The following KIDINS220 variants were observed in gnomAD, a reference collection of about 807,000 sequenced individuals.
The protein encoded by KIDINS220 is kinase D-interacting substrate of 220 kDa.
In KIDINS220, 63 loss-of-function variants were observed where a neutral mutation model predicts 157.6. That is an observed-to-expected ratio of 0.40 (90% CI 0.33 to 0.49). KIDINS220 has a LOEUF of 0.49. Among genes scored for constraint, KIDINS220 ranks in the 20% least tolerant of loss-of-function variants. The pLI, the probability that KIDINS220 is intolerant of heterozygous loss-of-function variation, is 0.66. For missense variants in KIDINS220, 1,772 were observed against 2,171.2 expected (o/e 0.82, Z 3.65); for synonymous variants, 732 against 783.6 (o/e 0.93, Z 1.10).
intron 1 of KIDINS220, among the ~76,000 whole-genome samples, chr2:8,832,767 C>A (rs1436833599): frequency 6.6e-6 from 1 of 152,166 alleles, no homozygotes; most frequent in African/African-American, 2.4e-5. Context: ...CTTCCAAAAG[C>A]CCTTTCGGCT....
chr2:8,733,123 A>G (rs1429886372), intron 29 of KIDINS220, among the ~76,000 whole-genome samples: 1 of 152,226 alleles, frequency 6.6e-6, no homozygotes, highest in Non-Finnish European at 1.5e-5. Context: ...TGCAACAGGA[A>G]GATCGCCTGA....
intron 27 of KIDINS220, 91 bp downstream of exon 27, chr2:8,736,776 TG>T: frequency 1.5e-6 from 2 of 1,334,584 alleles, no homozygotes; most frequent in South Asian, 3.3e-5. Context: ...AATGCATGTT[TG>T]GGAAGCTATA....
Position 8,730,875 on chromosome 2 carries a change from G to A in KIDINS220, c.5161C>T (p.Pro1721Ser). The A allele has an allele frequency of 6.2e-7, 1 of 1,614,154 alleles. No individual in the cohort carries two copies. Among genetic ancestry groups the A allele is most frequent in the Non-Finnish European group, 8.5e-7 (1 of 1,180,034 alleles). Residue 1721 changes from proline to serine, a missense_variant, in exon 30 of 30, where the codon CCA becomes TCA. Around this residue, in one of 3 missense-constraint regions of KIDINS220, gnomAD observed 793 missense variants for 885.5 expected, o/e 0.90. Transcript: ENST00000256707. Reference sequence around the variant, plus strand: ...AGATTCTCATTCTGAATAGTGGTTGGGTTGGGACTGGAACTAGGCCTCAAA... The same window carrying A: ...AGATTCTCATTCTGAATAGTGGTTGAGTTGGGACTGGAACTAGGCCTCAAA... ...VILRPSSSPN[P>S]TTIQNENLKS... is the part of the protein sequence containing the mutation.
At chr2:8,750,574 A>G (rs1667209466) in intron 23 of KIDINS220, among the ~76,000 whole-genome samples, 1 of 152,210 alleles carries the variant, frequency 6.6e-6, no homozygotes, top group South Asian at 2.1e-4. Context: ...CAATATCTGG[A>G]TTCTTCTCTT....
intron 11 of KIDINS220, among the ~76,000 whole-genome samples, chr2:8,796,388 T>C (rs189660308): frequency 2.0e-5 from 3 of 152,312 alleles, no homozygotes; most frequent in Admixed American, 6.5e-5. Flanking sequence ...AACAAACACA[T>C]TGACTCCTGT....
intron 26 of KIDINS220, among the ~76,000 whole-genome samples, chr2:8,743,551 T>C (rs894221224): frequency 6.6e-6 from 1 of 152,178 alleles, no homozygotes; most frequent in African/African-American, 2.4e-5. Context: ...AAAGAGCTCA[T>C]CACCAGGGTC....
At chr2:8,732,874 G>A (rs1049295344) in intron 29 of KIDINS220, among the ~76,000 whole-genome samples, 10 of 152,014 alleles carry the variant, frequency 6.6e-5, no homozygotes, top group East Asian at 3.9e-4. Context: ...CCTCACTCCC[G>A]CTACTCCTCC....
rs1192653148 is a variant in KIDINS220 at position 8,744,388 on chromosome 2, AATATATATATATAATATATATATAT to A, written c.3585+2732_3585+2756del. 3.4e-4 allele frequency among the ~76,000 whole-genome samples: 9 copies of A among 26,158 alleles called. 1 individual carries two copies. The highest frequency in any genetic ancestry group is 9.3e-4 in the African/African-American group (5 of 5,352). 17.2% of individuals were successfully genotyped at this position (26,158 alleles called of 152,430 possible). A position where few individuals can be genotyped will look rare whatever the true frequency, so the allele number is the denominator to read the frequency against. ...CAAAAAAAAAAAAAAAAAAAAAAAA[AATATATATATATAATATATATATAT>A]ATATATATATATATATATATATATA... On this transcript the variant is annotated intron_variant, in intron 26 of 29. Transcript: ENST00000256707.
chr2:8,797,882 G>A (rs376178694), intron 10 of KIDINS220, among the ~76,000 whole-genome samples: 8 of 152,148 alleles, frequency 5.3e-5, no homozygotes, highest in African/African-American at 1.9e-4. Context: ...CTGAGCACAC[G>A]CCATCTCCCC....
intron 22 of KIDINS220, among the ~76,000 whole-genome samples, chr2:8,751,946 C>CAGT (rs1409869463): frequency 6.6e-6 from 1 of 152,110 alleles, no homozygotes; most frequent in Non-Finnish European, 1.5e-5. Context: ...CTAAGTTGAT[C>CAGT]CACCCACCTC....
intron 6 of KIDINS220, among the ~76,000 whole-genome samples, chr2:8,809,782 A>G (rs111844159): frequency 6.6e-6 from 1 of 152,166 alleles, no homozygotes; most frequent in Non-Finnish European, 1.5e-5. Context: ...TGTCAGAAAT[A>G]AAAATACTCT....
chr2:8,832,974 T>C (rs1158665556), intron 1 of KIDINS220, among the ~76,000 whole-genome samples: 2 of 152,216 alleles, frequency 1.3e-5, no homozygotes, highest in African/African-American at 4.8e-5. Flanking sequence ...GCATAGGATG[T>C]GTGATGATCA....
chr2:8,762,820 T>C (rs989460695), intron 22 of KIDINS220, among the ~76,000 whole-genome samples: 11 of 152,204 alleles, frequency 7.2e-5, no homozygotes, highest in African/African-American at 1.4e-4. Context: ...ATAGTAGACA[T>C]AGAAATGGTA....
intron 8 of KIDINS220, among the ~76,000 whole-genome samples, chr2:8,802,475 G>T (rs1034373680): frequency 6.6e-6 from 1 of 152,200 alleles, no homozygotes; most frequent in East Asian, 1.9e-4. Context: ...CACAGGATTT[G>T]GGGCTTCAAC....
At chr2:8,796,937 C>A in intron 10 of KIDINS220, 68 bp from the exon 11 acceptor site, 1 of 1,118,290 alleles carries the variant, frequency 8.9e-7, no homozygotes, top group Non-Finnish European at 1.4e-6. Flanking sequence ...CATACAAATG[C>A]ACATGTCAAG....
Position 8,730,283 on chromosome 2 carries a change from C to T in KIDINS220, c.*437G>A. The T allele has an allele frequency of 2.0e-6, 2 of 999,962 alleles. No homozygotes were observed. The highest frequency in any genetic ancestry group is 2.4e-6 in the Non-Finnish European group (2 of 839,514). 61.9% of individuals were successfully genotyped at this position (999,962 alleles called of 1,614,324 possible). A position where few individuals can be genotyped will look rare whatever the true frequency, so the allele number is the denominator to read the frequency against. On this transcript the variant is annotated 3_prime_UTR_variant, in exon 30 of 30. Transcript: ENST00000256707. The stretch of plus-strand genomic sequence containing the variant: ...GCTGTGCACTCACCTAGGTGAGCCC[C>T]TAAGAGCAGGGTTTGCTTCTGCTTC...
intron 22 of KIDINS220, among the ~76,000 whole-genome samples, chr2:8,768,913 T>A (rs1293732556): frequency 6.6e-6 from 1 of 152,202 alleles, no homozygotes; most frequent in Non-Finnish European, 1.5e-5. Flanking sequence ...AATGATTGCT[T>A]ACTATATTTT....
chr2:8,745,937 A>G (rs1234645339), intron 26 of KIDINS220, among the ~76,000 whole-genome samples: 2 of 152,120 alleles, frequency 1.3e-5, no homozygotes, highest in Non-Finnish European at 2.9e-5. Context: ...ACCATATTAC[A>G]TGGGTGTAAC....
Position 8,806,438 on chromosome 2 carries a change from G to T in KIDINS220, c.505-69C>A, listed in dbSNP as rs56241236. The T allele has an allele frequency of 0.087, 78,840 of 904,620 alleles. 4,308 individuals are homozygous for T. The highest frequency in any genetic ancestry group is 0.11 in the Non-Finnish European group (65,455 of 597,970). The allele number at this position is 904,620 out of a possible 1,614,324, so 56.0% of individuals were successfully genotyped here. A position where few individuals can be genotyped will look rare whatever the true frequency, so the allele number is the denominator to read the frequency against. The stretch of plus-strand genomic sequence containing the variant: ...ACTCAAAGAAACTAGCTCTTAACAT[G>T]AATTTTAATAAAAATCTTACTTTTT... On this transcript the variant is annotated intron_variant, in intron 6 of 29. Transcript: ENST00000256707.
Sources: gnomAD v4.1 joint callset for allele counts (sites outside exome capture counted in the v4.1 genomes callset) on GRCh38, gnomAD v4.1.1 for gene constraint, gnomAD v4.1.1 regional missense constraint, MANE v1.5 for transcripts, NCBI Gene and HGNC (gene_info 2026-07-23, HGNC 2026-07-21) for gene names.